The following NRXN1 variants were observed in gnomAD, a reference collection of about 807,000 sequenced individuals.
The protein encoded by NRXN1 is neurexin-1.
A neutral mutation model predicts 150.9 loss-of-function variants in NRXN1; 39 were observed. That is an observed-to-expected ratio of 0.26 (90% CI 0.20 to 0.34). The LOEUF (loss-of-function observed/expected upper bound fraction) is 0.34, where lower values mean the gene tolerates loss of function less well. Ranked by LOEUF, NRXN1 falls within the 10% of genes least tolerant of loss-of-function variation. The pLI is 1.00. For missense variants in NRXN1, 1,815 were observed against 1,949.9 expected (o/e 0.93, Z 1.30); for synonymous variants, 924 against 757.0 (o/e 1.22, Z -3.62).
intron 18 of NRXN1, among the ~76,000 whole-genome samples, chr2:50,173,230 C>G (rs969362309): frequency 2.6e-5 from 4 of 152,172 alleles, no homozygotes; most frequent in African/African-American, 9.7e-5. Flanking sequence ...ATTTGAAACT[C>G]ATTTCAGACA....
At chr2:50,381,425 C>T (rs942115921) in intron 17 of NRXN1, among the ~76,000 whole-genome samples, 1 of 151,700 alleles carries the variant, frequency 6.6e-6, no homozygotes, top group African/African-American at 2.4e-5. Flanking sequence ...TGATTTTTTA[C>T]TGGGCTTACG....
chr2:50,092,217 T>G (rs1349506998), intron 18 of NRXN1, among the ~76,000 whole-genome samples: 2 of 152,222 alleles, frequency 1.3e-5, no homozygotes, highest in Non-Finnish European at 1.5e-5. Context: ...CCCTCTTCAC[T>G]TCTTCATATG....
intron 2 of NRXN1, among the ~76,000 whole-genome samples, chr2:50,952,497 GTTT>G (rs1558480820): frequency 1.3e-5 from 2 of 152,118 alleles, no homozygotes; most frequent in African/African-American, 4.8e-5. Flanking sequence ...ATTTCAACAA[GTTT>G]TTATTAATAA....
intron 9 of NRXN1, among the ~76,000 whole-genome samples, chr2:50,544,060 T>C (rs1225973499): frequency 6.6e-6 from 1 of 152,112 alleles, no homozygotes; most frequent in Non-Finnish European, 1.5e-5. Context: ...GAATAAACAA[T>C]CTTTAAATTA....
chr2:50,743,989 T>C (rs1206028125), intron 5 of NRXN1, among the ~76,000 whole-genome samples: 2 of 152,144 alleles, frequency 1.3e-5, no homozygotes, highest in Non-Finnish European at 2.9e-5. Flanking sequence ...AAACACAAAC[T>C]GTAATCCTTA....
At chr2:50,432,587 T>C (rs1385276005) in intron 17 of NRXN1, among the ~76,000 whole-genome samples, 1 of 152,214 alleles carries the variant, frequency 6.6e-6, no homozygotes, top group Non-Finnish European at 1.5e-5. Context: ...GTTCCTCTTC[T>C]TTCTGCCACT....
chr2:50,495,873 A>G (rs766600554), intron 15 of NRXN1, 32 bp downstream of exon 15: 55 of 1,541,940 alleles, frequency 3.6e-5, no homozygotes, highest in Non-Finnish European at 4.8e-5. Context: ...GTGTGGTGCA[A>G]GGCTCGTTGC....
intron 18 of NRXN1, among the ~76,000 whole-genome samples, chr2:50,205,332 T>C (rs780947145): frequency 1.3e-5 from 2 of 152,072 alleles, no homozygotes; most frequent in Non-Finnish European, 2.9e-5. Context: ...ATGTGTAAAG[T>C]GGATGATTAC....
At chr2:50,108,511 T>A (rs1701965183) in intron 18 of NRXN1, among the ~76,000 whole-genome samples, 2 of 152,138 alleles carry the variant, frequency 1.3e-5, no homozygotes, top group Admixed American at 6.5e-5. Flanking sequence ...TAAAGCCAGA[T>A]AAAGTGTATG....
intron 8 of NRXN1, among the ~76,000 whole-genome samples, chr2:50,611,991 C>T (rs1041474191): frequency 6.6e-6 from 1 of 152,130 alleles, no homozygotes; most frequent in African/African-American, 2.4e-5. Context: ...AAGGTTCCTA[C>T]GAAGCTCATT....
At chr2:50,680,761 GAAA>G (rs890140261) in intron 5 of NRXN1, among the ~76,000 whole-genome samples, 1 of 133,698 alleles carries the variant, frequency 7.5e-6, no homozygotes, top group South Asian at 2.3e-4. Flanking sequence ...AAGTTCAAGT[GAAA>G]AAAAAAAAAG....
chr2:50,066,214 T>C (rs1296772873), intron 19 of NRXN1, among the ~76,000 whole-genome samples: 2 of 152,166 alleles, frequency 1.3e-5, no homozygotes, highest in African/African-American at 4.8e-5. Context: ...GCCCATGTAC[T>C]CTGAAATTAT....
intron 5 of NRXN1, among the ~76,000 whole-genome samples, chr2:50,726,021 C>G (rs1697321019): frequency 1.3e-5 from 2 of 152,216 alleles, no homozygotes; most frequent in South Asian, 4.2e-4. Context: ...ACTCTCAGTA[C>G]CATAGAAGCT....
chr2:50,981,178 T>C (rs1366029655), intron 2 of NRXN1, among the ~76,000 whole-genome samples: 1 of 151,866 alleles, frequency 6.6e-6, no homozygotes, highest in Non-Finnish European at 1.5e-5. Flanking sequence ...CATAACTGTC[T>C]CGGCGTAGTG....
intron 18 of NRXN1, among the ~76,000 whole-genome samples, chr2:50,161,474 C>G (rs945362805): frequency 6.6e-6 from 1 of 152,088 alleles, no homozygotes; most frequent in African/African-American, 2.4e-5. Context: ...CTGACTGTCA[C>G]TGAGTATACT....
At chr2:49,951,904 G>T (rs972065587) in intron 21 of NRXN1, among the ~76,000 whole-genome samples, 1 of 151,872 alleles carries the variant, frequency 6.6e-6, no homozygotes, top group African/African-American at 2.4e-5. Context: ...GCCTATGATG[G>T]ATAATTTCAA....
intron 17 of NRXN1, among the ~76,000 whole-genome samples, chr2:50,436,779 T>C (rs17475106): frequency 0.041 from 6,255 of 152,280 alleles, 153 homozygotes; most frequent in South Asian, 0.048. Flanking sequence ...GAATAGCATA[T>C]ATTTCAAAAT....
At chr2:50,874,892 G>A (rs1307191379) in intron 5 of NRXN1, among the ~76,000 whole-genome samples, 1 of 151,714 alleles carries the variant, frequency 6.6e-6, no homozygotes, top group Non-Finnish European at 1.5e-5. Flanking sequence ...TTACGAATAA[G>A]CATTACTATA....
At chr2:50,633,106 G>A (rs1295428043) in intron 5 of NRXN1, 1 of 151,974 alleles carries the variant, frequency 6.6e-6, no homozygotes, top group Non-Finnish European at 1.5e-5. Context: ...CTGCATTTAC[G>A]GTTCTCCCTA....
Sources: allele counts gnomAD v4.1 joint callset (sites outside exome capture counted in the v4.1 genomes callset), GRCh38; gene constraint gnomAD v4.1.1; transcripts MANE v1.5; gene names NCBI Gene and HGNC (gene_info 2026-07-23, HGNC 2026-07-21).